SH2D4A: variants seen among roughly 807,000 people sequenced by gnomAD.
SH2D4A encodes the protein SH2 domain-containing protein 4A.
SH2D4A carries 70 observed loss-of-function variants against 64.7 expected under a neutral mutation model. The observed-to-expected ratio is 1.08, with a 90% CI of 0.89 to 1.32. The LOEUF (loss-of-function observed/expected upper bound fraction) is 1.32. Among genes scored for constraint, SH2D4A ranks in the 40% most tolerant of loss-of-function variants. The pLI is 0.00. For missense variants in SH2D4A, 706 were observed against 540.1 expected (o/e 1.31, Z -3.04); for synonymous variants, 268 against 200.7 (o/e 1.34, Z -2.83).
At chr8:19,389,703 T>C (rs1460038190) in intron 8 of SH2D4A, among the ~76,000 whole-genome samples, 1 of 152,140 alleles carries the variant, frequency 6.6e-6, no homozygotes, top group African/African-American at 2.4e-5. Context: ...ACTAAACTGA[T>C]AGCCTAAAAT....
At chr8:19,367,802 G>A (rs564328327) in intron 7 of SH2D4A, among the ~76,000 whole-genome samples, 70 of 152,184 alleles carry the variant, frequency 4.6e-4, no homozygotes, top group Non-Finnish European at 8.1e-4. Context: ...GGGGCTAGGC[G>A]TGGTGGCTCA....
intron 4 of SH2D4A, among the ~76,000 whole-genome samples, chr8:19,353,155 C>T (rs1467323925): frequency 6.6e-6 from 1 of 152,090 alleles, no homozygotes; most frequent in East Asian, 1.9e-4. Context: ...GTAGGAGGGT[C>T]ATTTTCTTCC....
intron 8 of SH2D4A, among the ~76,000 whole-genome samples, chr8:19,380,864 G>A (rs1462027765): frequency 1.3e-5 from 2 of 152,060 alleles, no homozygotes; most frequent in African/African-American, 4.8e-5. Context: ...GGGGTCTCAA[G>A]ATTCCACATG....
chr8:19,342,056 A>T (rs958306130), intron 4 of SH2D4A, among the ~76,000 whole-genome samples: 5 of 152,180 alleles, frequency 3.3e-5, no homozygotes, highest in African/African-American at 7.2e-5. Context: ...TCTAGGAAGT[A>T]GTGCTTCTAG....
chr8:19,361,539 T>C (rs2052888408), intron 6 of SH2D4A, among the ~76,000 whole-genome samples: 1 of 152,190 alleles, frequency 6.6e-6, no homozygotes, highest in South Asian at 2.1e-4. Flanking sequence ...AATTATGATG[T>C]AATTTATCAA....
rs986951004 is a variant in SH2D4A, at chr8:19,371,466, TGCTGCTTTTCTTTA to T, written c.918-2054_918-2041del. Among the ~76,000 whole-genome samples, 12 of 152,316 alleles carry T rather than the reference TGCTGCTTTTCTTTA, an allele frequency of 7.9e-5. 1 individual carries two copies. The highest frequency in any genetic ancestry group is 2.6e-4 in the African/African-American group (11 of 41,574). On this transcript the variant is annotated intron_variant, in intron 7 of 9. Transcript: ENST00000265807. The stretch of plus-strand genomic sequence containing the variant: ...TATTGGATCTGTCTTACATGTTATT[TGCTGCTTTTCTTTA>T]GCTGCTTTTAGGATCCTCTATTTGT...
chr8:19,336,924 T>A (rs2052454446), intron 4 of SH2D4A, among the ~76,000 whole-genome samples: 1 of 151,560 alleles, frequency 6.6e-6, no homozygotes, highest in African/African-American at 2.4e-5. Context: ...CAGTACTTTT[T>A]TAGACCTTTT....
intron 8 of SH2D4A, among the ~76,000 whole-genome samples, chr8:19,374,530 G>C (rs955011618): frequency 6.6e-6 from 1 of 152,178 alleles, no homozygotes; most frequent in Non-Finnish European, 1.5e-5. Flanking sequence ...ATCTCACACA[G>C]AAATATACCC....
At position 19,395,029 on chromosome 8, in the gene SH2D4A, G is replaced by T. The variant is rs144457315; in HGVS notation, c.*387G>T. 19 of 154,250 alleles carry T rather than the reference G, an allele frequency of 1.2e-4. No homozygotes were observed. The East Asian group carries it at 3.6e-3, about 29-fold the overall frequency. 9.6% of individuals were successfully genotyped at this position (154,250 alleles called of 1,614,324 possible). ...CTGTATCATCTCAGGAGGTTTCAGGGGCCTGTTGACATGAAGTTTCGAAGT... is the reference window on the plus strand; with the variant it reads ...CTGTATCATCTCAGGAGGTTTCAGGTGCCTGTTGACATGAAGTTTCGAAGT... On this transcript the variant is annotated 3_prime_UTR_variant, in exon 10 of 10. Coordinates refer to ENST00000265807, the MANE Select transcript of SH2D4A (RefSeq NM_022071.4).
chr8:19,363,079 A>T (rs1043645869), intron 6 of SH2D4A, among the ~76,000 whole-genome samples: 1 of 151,366 alleles, frequency 6.6e-6, no homozygotes, highest in Admixed American at 6.6e-5. Context: ...GGTATTGATT[A>T]TTTTTATTTT....
chr8:19,328,590 AT>A (rs1223531812), intron 2 of SH2D4A, among the ~76,000 whole-genome samples: 1 of 151,718 alleles, frequency 6.6e-6, no homozygotes, highest in Non-Finnish European at 1.5e-5. Flanking sequence ...GTCTCTCCCC[AT>A]TCTCTCCCCA....
At chr8:19,366,153 A>T (rs1049840478) in intron 7 of SH2D4A, among the ~76,000 whole-genome samples, 1 of 152,174 alleles carries the variant, frequency 6.6e-6, no homozygotes, top group African/African-American at 2.4e-5. Context: ...TGTGTTTCAT[A>T]AATTGTATTT....
chr8:19,377,526 T>C (rs1264423008), intron 8 of SH2D4A, among the ~76,000 whole-genome samples: 1 of 152,208 alleles, frequency 6.6e-6, no homozygotes, highest in Non-Finnish European at 1.5e-5. Context: ...TATATTGTAA[T>C]AAAAATATAC....
At chr8:19,380,461 G>T (rs1293389595) in intron 8 of SH2D4A, among the ~76,000 whole-genome samples, 1 of 152,084 alleles carries the variant, frequency 6.6e-6, no homozygotes, top group Non-Finnish European at 1.5e-5. Context: ...CCAATGTTGT[G>T]AAGATTTGGC....
chr8:19,376,272 C>T (rs184325819), intron 8 of SH2D4A, among the ~76,000 whole-genome samples: 7 of 152,238 alleles, frequency 4.6e-5, no homozygotes, highest in South Asian at 4.1e-4. Flanking sequence ...ACTGACTGGA[C>T]GAAGCCCACA....
At chr8:19,394,500 G>A in intron 9 of SH2D4A, 50 bp from the exon 10 acceptor site, 1 of 1,277,250 alleles carries the variant, frequency 7.8e-7, no homozygotes, top group Non-Finnish European at 1.1e-6. Flanking sequence ...AGTAGGAAGA[G>A]CATGTGGTCA....
chr8:19,322,349 G>A (rs1007749967), intron 2 of SH2D4A, among the ~76,000 whole-genome samples: 4 of 152,056 alleles, frequency 2.6e-5, no homozygotes, highest in African/African-American at 7.2e-5. Context: ...CCCTTCTCCC[G>A]CCTTTCTGGT....
chr8:19,334,579 G>A, intron 3 of SH2D4A, 107 bp from the exon 4 acceptor site: 5 of 1,212,402 alleles, frequency 4.1e-6, no homozygotes, highest in Non-Finnish European at 5.7e-6. Context: ...CTCAGTAAGT[G>A]GTGTCAGTTA....
chr8:19,391,872 G>A (rs1016783245), intron 8 of SH2D4A, among the ~76,000 whole-genome samples: 5 of 152,150 alleles, frequency 3.3e-5, no homozygotes, highest in African/African-American at 1.2e-4. Flanking sequence ...TTCTGTTATT[G>A]TTTTGTTTTC....
Sources: gnomAD v4.1 joint callset for allele counts (sites outside exome capture counted in the v4.1 genomes callset) on GRCh38, gnomAD v4.1.1 for gene constraint, MANE v1.5 for transcripts, NCBI Gene and HGNC (gene_info 2026-07-23, HGNC 2026-07-21) for gene names.